RNASEH2B: variants seen among roughly 807,000 people sequenced by gnomAD.
RNASEH2B encodes the protein ribonuclease H2 subunit B.
Under a neutral mutation model 45.0 loss-of-function variants are expected in RNASEH2B, and 36 were observed. The ratio of observed to expected loss-of-function variants is 0.80; its 90% CI spans 0.61 to 1.06. RNASEH2B has a LOEUF of 1.06. RNASEH2B is among the 50% of genes least tolerant of loss of function. The pLI is 0.00. For synonymous variants in RNASEH2B, 119 were observed against 125.7 expected, an observed-to-expected ratio of 0.95 and a Z score of 0.35; for missense variants, 361 against 360.3, an observed-to-expected ratio of 1.00 and a Z score of -0.02.
intron 5 of RNASEH2B, chr13:50,943,003 C>T: frequency 3.5e-6 from 1 of 285,910 alleles, no homozygotes; most frequent in Non-Finnish European, 6.6e-6. Flanking sequence ...TCCCTGCCTC[C>T]TGTCCCTATC....
chr13:50,967,466 TTTA>T (rs1269823760), intron 9 of RNASEH2B, among the ~76,000 whole-genome samples: 19 of 152,194 alleles, frequency 1.2e-4, no homozygotes, highest in African/African-American at 4.3e-4. Context: ...AATTTATGTG[TTTA>T]ATCTTTCCAG....
intron 7 of RNASEH2B, 83 bp downstream of exon 7, chr13:50,945,615 C>G: frequency 2.2e-6 from 2 of 891,996 alleles, no homozygotes; most frequent in Non-Finnish European, 3.7e-6. Flanking sequence ...ATTTAAAAAT[C>G]TTAATATCAC....
At chr13:50,946,816 G>T (rs1227887446) in intron 7 of RNASEH2B, among the ~76,000 whole-genome samples, 1 of 152,044 alleles carries the variant, frequency 6.6e-6, no homozygotes, top group Non-Finnish European at 1.5e-5. Flanking sequence ...TCATTTTTTA[G>T]ATATTTAGGT....
chr13:50,920,456 G>T (rs369295306), intron 1 of RNASEH2B, among the ~76,000 whole-genome samples: 1 of 152,180 alleles, frequency 6.6e-6, no homozygotes, highest in South Asian at 2.1e-4. Context: ...AACTACTCTG[G>T]AATCAGTTAG....
intron 6 of RNASEH2B, 43 bp downstream of exon 6, chr13:50,943,437 A>G: frequency 1.5e-6 from 2 of 1,376,286 alleles, no homozygotes; most frequent in Non-Finnish European, 2.1e-6. Flanking sequence ...GTAAAAATTC[A>G]GTTCTCTAAG....
chr13:50,937,986 A>G (rs1951779893), intron 5 of RNASEH2B: 1 of 152,276 alleles, frequency 6.6e-6, no homozygotes, highest in Non-Finnish European at 1.5e-5. Flanking sequence ...GAAAGTCAGT[A>G]GTACAACTGT....
Position 50,945,410 on chromosome 13 carries a change from T to G in RNASEH2B, c.511-17T>G. 1 of 1,567,208 alleles carries G rather than the reference T, an allele frequency of 6.4e-7. No individual in the cohort carries two copies. Among genetic ancestry groups the G allele is most frequent in the Non-Finnish European group, 8.8e-7 (1 of 1,137,426 alleles). Reference sequence around the variant, plus strand: ...AGTTGAAAATACCCTGCCTTTCCCCTCTTGGTTGCTTCATAGGTTAATCAA... The same window carrying G: ...AGTTGAAAATACCCTGCCTTTCCCCGCTTGGTTGCTTCATAGGTTAATCAA... On this transcript the variant is annotated splice_polypyrimidine_tract_variant and intron_variant, in intron 6 of 10. Transcript: ENST00000336617.
intron 9 of RNASEH2B, among the ~76,000 whole-genome samples, chr13:50,969,243 G>A (rs1321918290): frequency 6.6e-6 from 1 of 152,130 alleles, no homozygotes; most frequent in Non-Finnish European, 1.5e-5. Flanking sequence ...GGGAGTGGGT[G>A]GTCAGGGAAG....
intron 1 of RNASEH2B, chr13:50,911,228 G>C (rs1190628014): frequency 6.6e-6 from 1 of 152,158 alleles, no homozygotes; most frequent in Non-Finnish European, 1.5e-5. Flanking sequence ...GATTAGTTTT[G>C]CCTGTTTGAA....
At chr13:50,962,388 T>C (rs949762925) in intron 9 of RNASEH2B, among the ~76,000 whole-genome samples, 8 of 151,940 alleles carry the variant, frequency 5.3e-5, no homozygotes, top group African/African-American at 1.9e-4. Context: ...CTATAATAGA[T>C]GAAGAGCTAT....
intron 1 of RNASEH2B, among the ~76,000 whole-genome samples, chr13:50,924,711 A>G (rs1245213367): frequency 2.6e-5 from 4 of 152,006 alleles, no homozygotes; most frequent in African/African-American, 9.7e-5. Context: ...GGCACATGCC[A>G]CCACATGTGT....
In RNASEH2B at chr13:50,929,596, G is replaced by A; in HGVS notation, c.244+14G>A. 1 of 1,489,778 alleles carries A rather than the reference G, an allele frequency of 6.7e-7. No homozygotes were observed. The highest frequency in any genetic ancestry group is 9.4e-7 in the Non-Finnish European group (1 of 1,067,226). 92.3% of individuals were successfully genotyped at this position (1,489,778 alleles called of 1,614,324 possible). On this transcript the variant is annotated intron_variant, in intron 3 of 10. Coordinates refer to ENST00000336617, the MANE Select transcript of RNASEH2B (RefSeq NM_024570.4). ...CAGTTCAATCAGGTAGGTGACTAGT[G>A]TAAGCATTTCCAATAACTAAACACA...
At chr13:50,918,071 A>G (rs978285071) in intron 1 of RNASEH2B, among the ~76,000 whole-genome samples, 1 of 152,198 alleles carries the variant, frequency 6.6e-6, no homozygotes, top group African/African-American at 2.4e-5. Flanking sequence ...TGATAGGGAC[A>G]GCCCTGAAAG....
At chr13:50,932,824 T>A (rs1951697210) in intron 4 of RNASEH2B, among the ~76,000 whole-genome samples, 1 of 152,188 alleles carries the variant, frequency 6.6e-6, no homozygotes, top group South Asian at 2.1e-4. Flanking sequence ...AACCTCCATT[T>A]GGTAGGTAAA....
In RNASEH2B at chr13:50,926,977, CATTT is replaced by C. The variant is rs562483735; in HGVS notation, c.65-425_65-422del. 6.6e-4 allele frequency among the ~76,000 whole-genome samples: 101 copies of C among 152,198 alleles called. 2 individuals are homozygous for C. In the South Asian group the frequency reaches 0.021, roughly 31 times the overall value. On this transcript the variant is annotated intron_variant, in intron 1 of 10. Transcript: ENST00000336617. The stretch of plus-strand genomic sequence containing the variant: ...TTATAATACTCATAATAATAGCTAT[CATTT>C]ATTTCATGTTTCTATTTGCTTGATT...
At chr13:50,933,014 C>T (rs896499901) in intron 4 of RNASEH2B, among the ~76,000 whole-genome samples, 6 of 152,130 alleles carry the variant, frequency 3.9e-5, no homozygotes, top group African/African-American at 7.2e-5. Context: ...CTGTGATGGC[C>T]GGTATAACGA....
At position 50,934,982 on chromosome 13, in the gene RNASEH2B, A is replaced by G. The variant is rs1159563034; in HGVS notation, c.419A>G (p.His140Arg). ...CCTGGACTTGAGAAGTTACTTCATC[A>G]TGTGACAGAGGAAAAAGGTATGGTA... The part of the protein sequence containing the change: ...KLPGLEKLLH[H>R]VTEEKGNPEI... The change falls in exon 5 of 11, where the codon CAT becomes CGT. Residue 140 changes from histidine to arginine, a missense_variant. Transcript: ENST00000336617. 1 of 1,611,854 alleles carries G rather than the reference A, an allele frequency of 6.2e-7. No individual in the cohort carries two copies. The highest frequency in any genetic ancestry group is 1.7e-5 in the Admixed American group (1 of 60,010).
chr13:50,950,525 G>A (rs762059702), intron 9 of RNASEH2B: 5 of 152,150 alleles, frequency 3.3e-5, no homozygotes, highest in Non-Finnish European at 7.3e-5. Context: ...TAAGATCTAA[G>A]GACTGCTCTA....
intron 6 of RNASEH2B, among the ~76,000 whole-genome samples, chr13:50,944,308 A>C (rs1951870983): frequency 6.6e-6 from 1 of 152,220 alleles, no homozygotes; most frequent in Non-Finnish European, 1.5e-5. Context: ...GGATACCAGT[A>C]GTTGTAGTAC....
Sources: allele counts gnomAD v4.1 joint callset (sites outside exome capture counted in the v4.1 genomes callset), GRCh38; gene constraint gnomAD v4.1.1; transcripts MANE v1.5; gene names NCBI Gene and HGNC (gene_info 2026-07-23, HGNC 2026-07-21).